Variants in SLC23A1 observed in about 807,000 individuals in gnomAD.
SLC23A1 encodes the protein Na(+)/L-ascorbic acid transporter 1.
SLC23A1 carries 31 observed loss-of-function variants against 62.5 expected under a neutral mutation model. The observed-to-expected ratio is 0.50, with a 90% confidence interval of 0.37 to 0.67. SLC23A1 has a LOEUF of 0.67. Among genes scored for constraint, SLC23A1 ranks in the 30% least tolerant of loss-of-function variants. The pLI is 0.00. For missense variants in SLC23A1, 640 were observed against 782.7 expected (o/e 0.82, Z 2.18); for synonymous variants, 271 against 313.2 (o/e 0.87, Z 1.42).
At chr5:139,373,364 G>A (rs1757783002) in intron 13 of SLC23A1, among the ~76,000 whole-genome samples, 1 of 152,074 alleles carries the variant, frequency 6.6e-6, no homozygotes, top group South Asian at 2.1e-4. Flanking sequence ...TTTTAATAGA[G>A]ATGAGGTTTC....
upstream of SLC23A1, chr5:139,384,657 T>A (rs1758440177): frequency 8.2e-7 from 1 of 1,213,620 alleles, no homozygotes; most frequent in South Asian, 1.4e-5. Context: ...TACGGCTCCA[T>A]GGACACTCAA....
At position 139,381,903 on chromosome 5, in the gene SLC23A1, G is replaced by A. The variant is rs749185244; in HGVS notation, c.297C>T (p.Thr99=). The A allele has an allele frequency of 9.6e-6, 15 of 1,560,896 alleles. No homozygotes were observed. The highest frequency in any genetic ancestry group is 2.4e-5 in the East Asian group (1 of 41,782). ...GCTGGGCGGCTCACCGGATGCCCAC[G>A]GTGGTCTGGATGAGAGTGGTGATGC... The part of the protein sequence containing the change: ...CVGITTLIQT[T]VGIRLPLFQA... Residue 99 remains threonine, a synonymous_variant, in exon 3 of 15, where the codon ACC becomes ACT. Coordinates refer to ENST00000348729, the MANE Select transcript of SLC23A1 (RefSeq NM_005847.5).
At chr5:139,381,755 C>T (rs1296562815) in intron 3 of SLC23A1, 137 bp downstream of exon 3, 1 of 696,454 alleles carries the variant, frequency 1.4e-6, no homozygotes, top group Non-Finnish European at 2.4e-6. Flanking sequence ...TAAGGCTGGC[C>T]TGGGATAGGA....
chr5:139,374,476 A>G (rs1757847643), intron 13 of SLC23A1, among the ~76,000 whole-genome samples: 1 of 152,162 alleles, frequency 6.6e-6, no homozygotes, highest in South Asian at 2.1e-4. Context: ...AACAAATGCA[A>G]AATGGCCCAT....
rs1316943888 is a variant in SLC23A1 at position 139,382,058 on chromosome 5, A to G, written c.151-9T>C. ...AAGCATGTCAGGTAGTGCTGGGCAG[A>G]GGGAGACAGCAGAGTGCATGAGGCA... On this transcript the variant is annotated splice_polypyrimidine_tract_variant and intron_variant, in intron 2 of 14. Coordinates refer to ENST00000348729, the MANE Select transcript of SLC23A1 (RefSeq NM_005847.5). 2.5e-6 allele frequency: 4 copies of G among 1,605,732 alleles called. No individual in the cohort carries two copies. The highest frequency in any genetic ancestry group is 2.6e-6 in the Non-Finnish European group (3 of 1,175,982).
intron 13 of SLC23A1, among the ~76,000 whole-genome samples, chr5:139,373,220 C>A (rs1757774794): frequency 1.3e-5 from 2 of 151,824 alleles, no homozygotes; most frequent in Admixed American, 1.3e-4. Flanking sequence ...CTCTGTTGCC[C>A]AGGATGGAGT....
rs1353183267 is a variant in SLC23A1 at position 139,382,038 on chromosome 5, T to C, written c.162A>G (p.Thr54=). The change falls in exon 3 of 15, where the codon ACA becomes ACG. Residue 54 remains threonine, a synonymous_variant. Transcript: ENST00000348729. Reference sequence around the variant, plus strand: ...GCACGGCGATGGTACCACTGAAGCATGTCAGGTAGTGCTGGGCAGAGGGAG... The same window carrying C: ...GCACGGCGATGGTACCACTGAAGCACGTCAGGTAGTGCTGGGCAGAGGGAG... The part of the protein sequence containing the change: ...CILLGFQHYL[T]CFSGTIAVPF... 3 of 1,608,782 alleles carry C rather than the reference T, an allele frequency of 1.9e-6. No homozygotes were observed. Among genetic ancestry groups the C allele is most frequent in the Non-Finnish European group, 2.5e-6 (3 of 1,177,602 alleles).
intron 12 of SLC23A1, 111 bp downstream of exon 12, chr5:139,377,864 A>C: frequency 9.3e-7 from 1 of 1,078,428 alleles, no homozygotes; most frequent in East Asian, 2.6e-5. Flanking sequence ...GTTGACACCC[A>C]GAGTTGGGTA....
intron 3 of SLC23A1, 128 bp from the exon 4 acceptor site, chr5:139,381,014 G>A: frequency 1.7e-6 from 1 of 602,452 alleles, no homozygotes; most frequent in Non-Finnish European, 3.0e-6. Flanking sequence ...AAGGGCAGAT[G>A]GAAATCGTTG....
chr5:139,381,787 C>T (rs1758274742), intron 3 of SLC23A1, 105 bp downstream of exon 3: 5 of 909,996 alleles, frequency 5.5e-6, no homozygotes, highest in Admixed American at 4.5e-5. Context: ...AGGCAGAAAG[C>T]GGCTTTTTTG....
Position 139,381,893 on chromosome 5 carries a change from G to A in SLC23A1, c.307C>T (p.Arg103Trp), listed in dbSNP as rs1199854761. The A allele has an allele frequency of 3.9e-6, 6 of 1,555,026 alleles. No individual in the cohort carries two copies. The highest frequency in any genetic ancestry group is 1.4e-5 in the African/African-American group (1 of 73,330). ...TTLIQTTVGIRLPLFQASAFA... is the reference protein window; with the variant it reads ...TTLIQTTVGIWLPLFQASAFA... ...GGGTTGGGGGGCTGGGCGGCTCACCGGATGCCCACGGTGGTCTGGATGAGA... is the reference window on the plus strand; with the variant it reads ...GGGTTGGGGGGCTGGGCGGCTCACCAGATGCCCACGGTGGTCTGGATGAGA... Residue 103 changes from arginine (R) to tryptophan (W), a missense_variant and splice_region_variant, in exon 3 of 15, where the codon CGG becomes TGG. By Grantham distance (101) the Arg-to-Trp change is moderately radical (BLOSUM62 -3). Coordinates refer to ENST00000348729, the MANE Select transcript of SLC23A1 (RefSeq NM_005847.5).
rs370429789 is a variant in SLC23A1, at chr5:139,377,429, C to G, written c.1522G>C (p.Ala508Pro). The change falls in exon 13 of 15, where the codon GCT (alanine) becomes CCT (proline). Residue 508 changes from alanine to proline, a missense_variant. Transcript: ENST00000348729. ...GGCACTGTGTTGTCAAGTATGAAAG[C>G]AAGGCACCCGCCCACAAACATCTCC... Reference protein sequence around the residue: ...TTEMFVGGCLAFILDNTVPGS... With the variant: ...TTEMFVGGCLPFILDNTVPGS... 2 of 1,608,878 alleles carry G rather than the reference C, an allele frequency of 1.2e-6. No individual in the cohort carries two copies. Among genetic ancestry groups the G allele is most frequent in the African/African-American group, 1.3e-5 (1 of 74,954 alleles).
At chr5:139,368,872 T>A in intron 14 of SLC23A1, 2 of 1,112,770 alleles carry the variant, frequency 1.8e-6, no homozygotes, top group Non-Finnish European at 2.7e-6. Flanking sequence ...GACTTAATTG[T>A]AAAAGCTCTC....
chr5:139,384,690 G>T (rs933254636), upstream of SLC23A1: 2 of 1,198,238 alleles, frequency 1.7e-6, no homozygotes, highest in South Asian at 1.5e-5. Flanking sequence ...CACACAACAC[G>T]CATAGAGAAC....
rs1449082022 is a variant in SLC23A1 at position 139,379,013 on chromosome 5, C to T, written c.1073+194G>A. On this transcript the variant is annotated intron_variant, in intron 9 of 14. Transcript: ENST00000348729. This position sits in a 1 kb window ranked among gnomAD's most constrained non-coding sequence, Gnocchi z 4.7. ...GACGGTGGTTCCCTTTGGACTCCACCATCTTCTCAGCTACTCCCAGCAAAG... is the reference window on the plus strand; with the variant it reads ...GACGGTGGTTCCCTTTGGACTCCACTATCTTCTCAGCTACTCCCAGCAAAG... Among the ~76,000 whole-genome samples, 1 of 152,152 alleles carries T rather than the reference C, an allele frequency of 6.6e-6. No homozygotes were observed. Among genetic ancestry groups the T allele is most frequent in the Non-Finnish European group, 1.5e-5 (1 of 68,032 alleles).
rs979106549 is a variant in SLC23A1, at chr5:139,381,881, G to C, written c.308+11C>G. The C allele has an allele frequency of 6.5e-7, 1 of 1,549,876 alleles. No homozygotes were observed. The highest frequency in any genetic ancestry group is 8.7e-7 in the Non-Finnish European group (1 of 1,146,644). On this transcript the variant is annotated intron_variant, in intron 3 of 14. Transcript: ENST00000348729. ...GTGGCGGGGGACGGGTTGGGGGGCT[G>C]GGCGGCTCACCGGATGCCCACGGTG...
At chr5:139,374,659 G>A (rs1757858153) in intron 13 of SLC23A1, among the ~76,000 whole-genome samples, 1 of 152,178 alleles carries the variant, frequency 6.6e-6, no homozygotes, top group Non-Finnish European at 1.5e-5. Context: ...AGCTTATGTG[G>A]CATGACACAC....
chr5:139,382,855 C>T (rs1005328930), intron 1 of SLC23A1, among the ~76,000 whole-genome samples: 20 of 152,196 alleles, frequency 1.3e-4, no homozygotes, highest in African/African-American at 4.8e-4. Flanking sequence ...GCCATTTTAG[C>T]CAGGGAAGTG....
chr5:139,378,550 C>A lies in SLC23A1; in HGVS notation c.1179+29G>T. Reference sequence around the variant, plus strand: ...GGGCCTGCGGCCCACGGAATTAGGGCAGGATTTGGCTCTGGCTCGTCGCGA... The same window carrying A: ...GGGCCTGCGGCCCACGGAATTAGGGAAGGATTTGGCTCTGGCTCGTCGCGA... On this transcript the variant is annotated intron_variant, in intron 10 of 14. Transcript: ENST00000348729. The surrounding 1 kb of genome is among the most constrained non-coding windows in gnomAD (Gnocchi z 4.5). 6.5e-7 allele frequency: 1 copy of A among 1,527,868 alleles called. No homozygotes were observed. Among genetic ancestry groups the A allele is most frequent in the Non-Finnish European group, 8.9e-7 (1 of 1,125,518 alleles). The allele number at this position is 1,527,868 out of a possible 1,614,324, so 94.6% of individuals were successfully genotyped here.
Sources: allele counts gnomAD v4.1 joint callset (sites outside exome capture counted in the v4.1 genomes callset), GRCh38; gene constraint gnomAD v4.1.1; non-coding constraint Gnocchi (gnomAD v3.1); transcripts MANE v1.5; gene names NCBI Gene and HGNC (gene_info 2026-07-23, HGNC 2026-07-21).